Variants in NPHP4 observed in about 807,000 individuals in gnomAD.
The protein encoded by NPHP4 is nephrocystin-4.
A neutral mutation model predicts 155.8 loss-of-function variants in NPHP4; 151 were observed. That is an observed-to-expected ratio of 0.97 (90% CI 0.85 to 1.11). NPHP4 has a LOEUF of 1.11. Among genes scored for constraint, NPHP4 ranks in the 50% least tolerant of loss-of-function variants. The probability of loss-of-function intolerance (pLI) is 0.00; values close to 1 mark genes in which losing one functional copy is unlikely to be tolerated. For synonymous variants in NPHP4, 845 were observed against 816.8 expected, an observed-to-expected ratio of 1.03 and a Z score of -0.59; for missense variants, 1,956 against 1,925.7, an observed-to-expected ratio of 1.02 and a Z score of -0.29.
rs755500768 is a variant in NPHP4, at chr1:5,907,166, G to A, written c.1560C>T (p.Ala520=). The change falls in exon 13 of 30, where the codon GCC becomes GCT. Residue 520 remains alanine, a synonymous_variant. Coordinates refer to ENST00000378156, the MANE Select transcript of NPHP4 (RefSeq NM_015102.5). The part of the protein sequence containing the change: ...SPRSPTQHCL[A]RPTSQLPHGS... ...CATGGGGTAGCTGTGAAGTAGGCCT[G>A]GCCAAGCAGTGCTGAGTCGGGGACC... 14 of 1,590,200 alleles carry A rather than the reference G, an allele frequency of 8.8e-6. No individual in the cohort carries two copies. Among genetic ancestry groups the A allele is most frequent in the Non-Finnish European group, 1.0e-5 (12 of 1,167,868 alleles).
intron 9 of NPHP4, among the ~76,000 whole-genome samples, chr1:5,945,900 T>C (rs569396423): frequency 1.4e-5 from 2 of 146,796 alleles, no homozygotes; most frequent in East Asian, 3.9e-4. Flanking sequence ...AGATCTGGCA[T>C]TGTCCCCCCC....
chr1:5,874,765 G>T, intron 21 of NPHP4, 108 bp from the exon 22 acceptor site: 1 of 1,517,616 alleles, frequency 6.6e-7, no homozygotes, highest in Non-Finnish European at 9.0e-7. Flanking sequence ...GGAGAGAGAA[G>T]TCAAATCGCC....
rs985280051 is a variant in NPHP4 at position 5,902,172 on chromosome 1, GCTAA to G, written c.2143+2441_2143+2444del. 9.2e-5 allele frequency among the ~76,000 whole-genome samples: 14 copies of G among 152,334 alleles called. No homozygotes were observed. In the South Asian group the frequency reaches 2.7e-3, roughly 29 times the overall value. On this transcript the variant is annotated intron_variant, in intron 16 of 29. Coordinates refer to ENST00000378156, the MANE Select transcript of NPHP4 (RefSeq NM_015102.5). ...TGGGGATGGGGAATAGCCTAACTGA[GCTAA>G]CTAACTAACTAGGCTGCTCACTCCT...
At chr1:5,926,915 C>A (rs1646034390) in intron 11 of NPHP4, among the ~76,000 whole-genome samples, 1 of 152,208 alleles carries the variant, frequency 6.6e-6, no homozygotes, top group East Asian at 1.9e-4. Flanking sequence ...GATCCTAGAA[C>A]CTTCAGTGGT....
chr1:5,877,651 C>A (rs1469700752), intron 19 of NPHP4, among the ~76,000 whole-genome samples: 1 of 152,216 alleles, frequency 6.6e-6, no homozygotes, highest in Admixed American at 6.5e-5. Flanking sequence ...AATGCCTTCA[C>A]CCAGGGCTGC....
At chr1:5,987,153 G>A (rs888384035) in intron 1 of NPHP4, among the ~76,000 whole-genome samples, 2 of 152,072 alleles carry the variant, frequency 1.3e-5, no homozygotes, top group African/African-American at 4.8e-5. Context: ...TTGGGGACAG[G>A]TTTCAGGTGT....
chr1:5,915,273 G>C lies in NPHP4; in HGVS notation c.1442-6060C>G, dbSNP rs568591400. On this transcript the variant is annotated intron_variant, in intron 11 of 29. Coordinates refer to ENST00000378156, the MANE Select transcript of NPHP4 (RefSeq NM_015102.5). ...TGTTACAAACAGGGGTAAACAGATG[G>C]CCCCAAAAGGCAGGGGAAAGGAAGG... Among the ~76,000 whole-genome samples the C allele has an allele frequency of 2.0e-3, 298 of 152,186 alleles. 1 individual carries two copies. The highest frequency in any genetic ancestry group is 6.9e-3 in the African/African-American group (288 of 41,526).
intron 16 of NPHP4, among the ~76,000 whole-genome samples, chr1:5,897,078 T>C (rs914514838): frequency 1.3e-5 from 2 of 152,228 alleles, no homozygotes; most frequent in Non-Finnish European, 2.9e-5. Flanking sequence ...CTTTGTCCTG[T>C]CTTTGTGGAG....
rs542179943 is a variant in NPHP4, at chr1:5,868,941, CATGCACACACACACA to C, written c.3316-1060_3316-1046del. Among the ~76,000 whole-genome samples, 1,038 of 146,302 alleles carry C rather than the reference CATGCACACACACACA, an allele frequency of 7.1e-3. 6 individuals carry two copies. The highest frequency in any genetic ancestry group is 0.02 in the Middle Eastern group (5 of 256). On this transcript the variant is annotated intron_variant, in intron 23 of 29. Transcript: ENST00000378156. ...ACATGTACACACATGCATGCACCCA[CATGCACACACACACA>C]ATGCACACACACATGCACACACATC... is the stretch of plus-strand genomic sequence containing the variant.
chr1:5,904,093 A>C (rs1044994166), intron 16 of NPHP4, among the ~76,000 whole-genome samples: 16 of 152,240 alleles, frequency 1.1e-4, no homozygotes, highest in African/African-American at 3.9e-4. Context: ...TCTACAGTAC[A>C]ATGTGGCTTC....
At position 5,890,275 on chromosome 1, in the gene NPHP4, G is replaced by A. The variant is rs1260666894; in HGVS notation, c.2304+593C>T. ...GACACCATGGTAGCGTGTGAAACTG[G>A]CCCCAGTCCTTGGCCCAAGAGTTGT... On this transcript the variant is annotated intron_variant, in intron 17 of 29. Coordinates refer to ENST00000378156, the MANE Select transcript of NPHP4 (RefSeq NM_015102.5). This position sits in a 1 kb window ranked among gnomAD's most constrained non-coding sequence, Gnocchi z 4.9. Among the ~76,000 whole-genome samples, 1 of 152,176 alleles carries A rather than the reference G, an allele frequency of 6.6e-6. No homozygotes were observed. The highest frequency in any genetic ancestry group is 1.5e-5 in the Non-Finnish European group (1 of 68,028).
intron 9 of NPHP4, among the ~76,000 whole-genome samples, chr1:5,939,813 T>C (rs917922433): frequency 6.6e-6 from 1 of 152,138 alleles, no homozygotes; most frequent in African/African-American, 2.4e-5. Flanking sequence ...GTCTATGAGC[T>C]TGGATTTAAG....
intron 19 of NPHP4, 120 bp downstream of exon 19, chr1:5,879,994 A>G (rs947237387): frequency 1.6e-6 from 2 of 1,227,976 alleles, no homozygotes; most frequent in Non-Finnish European, 1.1e-6. Flanking sequence ...TGACAGCACC[A>G]CGAATGGTGC....
At chr1:5,872,978 G>C (rs1642159793) in intron 23 of NPHP4, among the ~76,000 whole-genome samples, 1 of 152,242 alleles carries the variant, frequency 6.6e-6, no homozygotes, top group Admixed American at 6.5e-5. Flanking sequence ...GCCACCACGG[G>C]AACTGCGGCT....
At chr1:5,934,528 T>C (rs1199452853) in intron 9 of NPHP4, among the ~76,000 whole-genome samples, 8 of 152,158 alleles carry the variant, frequency 5.3e-5, no homozygotes, top group Non-Finnish European at 1.2e-4. Flanking sequence ...GTGCTCCACT[T>C]GCTACGGCTT....
chr1:5,982,283 A>G (rs1461614156), intron 2 of NPHP4, among the ~76,000 whole-genome samples: 2 of 152,088 alleles, frequency 1.3e-5, no homozygotes, highest in African/African-American at 4.8e-5. Flanking sequence ...TAAGATTGTA[A>G]TATTATATTT....
intron 2 of NPHP4, among the ~76,000 whole-genome samples, chr1:5,981,791 C>T (rs1281392582): frequency 6.6e-6 from 1 of 152,244 alleles, no homozygotes; most frequent in Non-Finnish European, 1.5e-5. Context: ...GTAAGCCCCA[C>T]TTGATCCTAA....
In NPHP4 at chr1:5,866,396, T is replaced by C. The variant is rs777890411; in HGVS notation, c.3621A>G (p.Lys1207=). Residue 1207 remains lysine (K), a synonymous_variant, in exon 26 of 30, where the codon AAA becomes AAG. Coordinates refer to ENST00000378156, the MANE Select transcript of NPHP4 (RefSeq NM_015102.5). The part of the protein sequence containing the change: ...KVASGPSPEI[K]DFFVIIYSDR... ...ACGAGTAAATGATGACAAAGAAGTC[T>C]TTGATCTCCGGGCTTGGACCACTGG... 1.2e-6 allele frequency: 2 copies of C among 1,609,156 alleles called. No individual in the cohort carries two copies. The highest frequency in any genetic ancestry group is 1.7e-5 in the Admixed American group (1 of 59,612).
rs951378120 is a variant in NPHP4, at chr1:5,873,558, C to T, written c.3232-223G>A. The T allele has an allele frequency of 7.8e-5, 46 of 589,378 alleles. No individual in the cohort carries two copies. In the South Asian group the frequency reaches 9.5e-4, roughly 12 times the overall value. 36.5% of individuals were successfully genotyped at this position (589,378 alleles called of 1,614,324 possible). Reference sequence around the variant, plus strand: ...ATCCCAGGTGGAAACCCGGCTCTGCCTGAAGCCAAAGGCCTGAGGTCCCAC... The same window carrying T: ...ATCCCAGGTGGAAACCCGGCTCTGCTTGAAGCCAAAGGCCTGAGGTCCCAC... On this transcript the variant is annotated intron_variant, in intron 22 of 29. Coordinates refer to ENST00000378156, the MANE Select transcript of NPHP4 (RefSeq NM_015102.5).
Sources: gnomAD v4.1 joint callset for allele counts (sites outside exome capture counted in the v4.1 genomes callset) on GRCh38, gnomAD v4.1.1 for gene constraint, Gnocchi (gnomAD v3.1) non-coding constraint, MANE v1.5 for transcripts, NCBI Gene and HGNC (gene_info 2026-07-23, HGNC 2026-07-21) for gene names.